TDG: variants seen among roughly 807,000 people sequenced by gnomAD.
TDG encodes the protein thymine DNA glycosylase.
In TDG, 23 loss-of-function variants were observed where a neutral mutation model predicts 46.1. That is an observed-to-expected ratio of 0.50 (90% confidence interval 0.36 to 0.71). The LOEUF is 0.71. Among genes scored for constraint, TDG ranks in the 30% least tolerant of loss-of-function variants. TDG has a pLI of 0.00. For synonymous variants in TDG, 115 were observed against 161.3 expected, an observed-to-expected ratio of 0.71 and a Z score of 2.18; for missense variants, 304 against 486.7, an observed-to-expected ratio of 0.62 and a Z score of 3.53.
intron 1 of TDG, among the ~76,000 whole-genome samples, 188 bp downstream of exon 1, chr12:103,966,248 G>C (rs1871015236): frequency 6.6e-6 from 1 of 152,242 alleles, no homozygotes; most frequent in African/African-American, 2.4e-5. Context: ...GGAGGTCGGG[G>C]CTGCTCTGAG....
chr12:103,973,311 C>G (rs1218289647), intron 1 of TDG, among the ~76,000 whole-genome samples: 1 of 152,072 alleles, frequency 6.6e-6, no homozygotes, highest in Non-Finnish European at 1.5e-5. Flanking sequence ...TCTTGAACTC[C>G]TGACCTCAGG....
chr12:103,973,647 C>G (rs1451037987), intron 1 of TDG, among the ~76,000 whole-genome samples: 1 of 152,086 alleles, frequency 6.6e-6, no homozygotes, highest in Non-Finnish European at 1.5e-5. Flanking sequence ...TTGCATAGAG[C>G]TACTAATAAT....
At chr12:103,966,569 A>G (rs1871039315) in intron 1 of TDG, among the ~76,000 whole-genome samples, 2 of 152,036 alleles carry the variant, frequency 1.3e-5, no homozygotes, top group Admixed American at 6.6e-5. Flanking sequence ...ATATGTATAC[A>G]CTCTCGAGTA....
chr12:103,987,575 A>G lies in TDG; in HGVS notation c.*485A>G, dbSNP rs1744231780. 6.4e-6 allele frequency: 1 copy of G among 156,344 alleles called. No individual in the cohort carries two copies. The highest frequency in any genetic ancestry group is 1.9e-4 in the South Asian group (1 of 5,304). The allele number at this position is 156,344 out of a possible 1,614,324, so 9.7% of individuals were successfully genotyped here. On this transcript the variant is annotated 3_prime_UTR_variant, in exon 10 of 10. Coordinates refer to ENST00000392872, the MANE Select transcript of TDG (RefSeq NM_003211.6). Reference sequence around the variant, plus strand: ...ATTTGTTAGTTTTTAGTGGTAACTAAGGGTAAACTCAGGGTTCCCTGAGCT... The same window carrying G: ...ATTTGTTAGTTTTTAGTGGTAACTAGGGGTAAACTCAGGGTTCCCTGAGCT...
At chr12:103,984,297 T>TA (rs1872000623) in intron 7 of TDG, among the ~76,000 whole-genome samples, 1 of 152,112 alleles carries the variant, frequency 6.6e-6, no homozygotes, top group South Asian at 2.1e-4. Context: ...CATTCTCTGT[T>TA]ACATGCCATT....
intron 1 of TDG, among the ~76,000 whole-genome samples, chr12:103,969,148 T>C (rs1871183852): frequency 6.6e-6 from 1 of 152,210 alleles, no homozygotes; most frequent in South Asian, 2.1e-4. Context: ...TTTGGATGTT[T>C]TACATAGGCC....
At chr12:103,978,566 G>T (rs1325165525) in intron 2 of TDG, among the ~76,000 whole-genome samples, 2 of 152,218 alleles carry the variant, frequency 1.3e-5, no homozygotes, top group African/African-American at 4.8e-5. Context: ...CTAAGACAAT[G>T]TGAGGCAGAA....
chr12:103,970,989 G>A (rs1871261891), intron 1 of TDG, among the ~76,000 whole-genome samples: 1 of 152,220 alleles, frequency 6.6e-6, no homozygotes, highest in East Asian at 1.9e-4. Context: ...AAAGAATGCA[G>A]GATGACAGCT....
intron 1 of TDG, chr12:103,967,874 G>A (rs1374983802): frequency 2.6e-5 from 3 of 113,888 alleles, no homozygotes; most frequent in African/African-American, 6.3e-5. Context: ...TGTTGCCCAA[G>A]ATGGAGTACA....
At position 103,980,075 on chromosome 12, in the gene TDG, A is replaced by G. The variant is rs1871748912; in HGVS notation, c.408+3A>G. The G allele has an allele frequency of 6.3e-7, 1 of 1,594,050 alleles. No homozygotes were observed. Among genetic ancestry groups the G allele is most frequent in the East Asian group, 2.3e-5 (1 of 43,730 alleles). ...CCTTCAATCTGGACATTGTCATTGT[A>G]AGATCTTTGTCCTCGTTGGATTTTA... On this transcript the variant is annotated splice_donor_region_variant and intron_variant, in intron 3 of 9. Coordinates refer to ENST00000392872, the MANE Select transcript of TDG (RefSeq NM_003211.6).
intron 9 of TDG, chr12:103,986,287 A>T (rs1212214190): frequency 6.6e-6 from 1 of 152,244 alleles, no homozygotes; most frequent in East Asian, 1.9e-4. Flanking sequence ...CTTTAATAAC[A>T]AATGAGTCCT....
rs1291644621 is a variant in TDG, at chr12:103,974,471, C to T, written c.24-2447C>T. Among the ~76,000 whole-genome samples, 7 of 152,066 alleles carry T rather than the reference C, an allele frequency of 4.6e-5. No individual in the cohort carries two copies. The East Asian group carries it at 1.4e-3, about 29-fold the overall frequency. ...TTTTAAAATTTTTTTGTGGAGGTGG[C>T]GATCTTGCTATATTGCCCCGGCCAC... is the stretch of plus-strand genomic sequence containing the variant. On this transcript the variant is annotated intron_variant, in intron 1 of 9. Coordinates refer to ENST00000392872, the MANE Select transcript of TDG (RefSeq NM_003211.6).
chr12:103,972,157 C>T (rs2629770), intron 1 of TDG, among the ~76,000 whole-genome samples: 20,920 of 151,886 alleles, frequency 0.14, 1,587 homozygotes, highest in Admixed American at 0.2. Context: ...CTTGCTCTGT[C>T]GCCCAGGCTG....
At chr12:103,983,910 A>G (rs141080053) in intron 7 of TDG, among the ~76,000 whole-genome samples, 8 of 152,190 alleles carry the variant, frequency 5.3e-5, no homozygotes, top group Non-Finnish European at 1.0e-4. Context: ...GTGTTTTTCA[A>G]ATTGTCCTCT....
chr12:103,983,256 CATT>C, intron 6 of TDG, 36 bp from the exon 7 acceptor site: 1 of 1,567,430 alleles, frequency 6.4e-7, no homozygotes, highest in Non-Finnish European at 8.6e-7. Context: ...TCTTTGCTAA[CATT>C]ATGGGCAATG....
chr12:103,981,189 T>C (rs1313841779), intron 4 of TDG, among the ~76,000 whole-genome samples: 2 of 151,876 alleles, frequency 1.3e-5, no homozygotes, highest in South Asian at 2.1e-4. Context: ...AAGAGTACTT[T>C]CTCTTTTGTT....
chr12:103,978,042 T>A (rs1380390596), intron 2 of TDG, among the ~76,000 whole-genome samples: 1 of 151,494 alleles, frequency 6.6e-6, no homozygotes, highest in Admixed American at 6.6e-5. Context: ...AGCTGGGCAA[T>A]AGTGCGAGAC....
At chr12:103,966,556 G>A (rs1313623549) in intron 1 of TDG, among the ~76,000 whole-genome samples, 1 of 152,064 alleles carries the variant, frequency 6.6e-6, no homozygotes, top group Non-Finnish European at 1.5e-5. Context: ...TTTTGTTGTG[G>A]GCATATGTAT....
intron 1 of TDG, 71 bp from the exon 2 acceptor site, chr12:103,976,847 G>A (rs1488814418): frequency 6.3e-7 from 1 of 1,578,632 alleles, no homozygotes; most frequent in Non-Finnish European, 8.6e-7. Flanking sequence ...GAAGATTTTT[G>A]TACAGCTGAT....
Sources: allele counts gnomAD v4.1 joint callset (sites outside exome capture counted in the v4.1 genomes callset), GRCh38; gene constraint gnomAD v4.1.1; transcripts MANE v1.5; gene names NCBI Gene and HGNC (gene_info 2026-07-23, HGNC 2026-07-21).